Variants in MTCL2 observed in about 807,000 individuals in gnomAD.
MTCL2 encodes microtubule cross-linking factor 2.
chr20:36,817,259 TC>T, the MTCL2 span: 1 of 657,038 alleles, frequency 1.5e-6, no homozygotes, highest in African/African-American at 2.5e-5. Context: ...AGAGTGTGAC[TC>T]CGTCTCAAAA....
chr20:36,815,955 G>T, the MTCL2 span: 4 of 1,613,096 alleles, frequency 2.5e-6, no homozygotes, highest in Non-Finnish European at 2.5e-6. This position sits in a 1 kb window ranked among gnomAD's most constrained non-coding sequence, Gnocchi z 5.3. Context: ...CGCGGAGAAG[G>T]CCAGGCGTGC....
chr20:36,830,523 G>A, the MTCL2 span, among the ~76,000 whole-genome samples: 1 of 151,630 alleles, frequency 6.6e-6, no homozygotes, highest in Admixed American at 6.6e-5. Context: ...AGCTATGATT[G>A]TGCCACTGCA....
At chr20:36,829,000 T>C in the MTCL2 span, 16 of 1,472,066 alleles carry the variant, frequency 1.1e-5, no homozygotes, top group Non-Finnish European at 1.4e-5. Context: ...TTGGGGGGGC[T>C]TGCATGTGCC....
At chr20:36,818,478 A>G in the MTCL2 span, among the ~76,000 whole-genome samples, 1 of 152,198 alleles carries the variant, frequency 6.6e-6, no homozygotes, top group Non-Finnish European at 1.5e-5. Context: ...AATGGTCATA[A>G]GAGACTGATG....
At chr20:36,818,316 T>C in the MTCL2 span, among the ~76,000 whole-genome samples, 2 of 152,262 alleles carry the variant, frequency 1.3e-5, no homozygotes, top group East Asian at 1.9e-4. Flanking sequence ...TTCATGCCTG[T>C]AATCCCAACA....
the MTCL2 span, chr20:36,779,170 G>A: frequency 1.3e-5 from 2 of 152,260 alleles, no homozygotes; most frequent in African/African-American, 4.8e-5. Flanking sequence ...CAGGACTTGG[G>A]TCTGTATATT....
At chr20:36,823,302 A>G in the MTCL2 span, among the ~76,000 whole-genome samples, 1 of 152,218 alleles carries the variant, frequency 6.6e-6, no homozygotes, top group Admixed American at 6.5e-5. Flanking sequence ...TTCCCGGGCA[A>G]CTGGCAGCTC....
chr20:36,792,587 T>C, the MTCL2 span, among the ~76,000 whole-genome samples: 1 of 150,998 alleles, frequency 6.6e-6, no homozygotes, highest in Non-Finnish European at 1.5e-5. Flanking sequence ...AAGCTGGCTC[T>C]AGCACACCAC....
the MTCL2 span, among the ~76,000 whole-genome samples, chr20:36,805,274 A>G: frequency 6.6e-6 from 1 of 152,144 alleles, no homozygotes; most frequent in Admixed American, 6.5e-5. Context: ...GGTCTAATTC[A>G]TGGAGACTCC....
chr20:36,802,725 G>A, the MTCL2 span: 1 of 1,100,472 alleles, frequency 9.1e-7, no homozygotes, highest in Non-Finnish European at 1.3e-6. Flanking sequence ...ATACCTGAAG[G>A]AGATGGTGTG....
chr20:36,808,857 C>T, the MTCL2 span: 2 of 892,990 alleles, frequency 2.2e-6, no homozygotes, highest in Non-Finnish European at 3.3e-6. Flanking sequence ...GTGAGTGATC[C>T]CTGCCGGGGA....
the MTCL2 span, among the ~76,000 whole-genome samples, chr20:36,792,629 C>G: frequency 1.0e-3 from 159 of 152,130 alleles, no homozygotes; most frequent in African/African-American, 3.3e-3. Flanking sequence ...GGCCCCTTCC[C>G]TGGAGGGGAT....
At chr20:36,786,651 G>A in the MTCL2 span, 2 of 1,544,298 alleles carry the variant, frequency 1.3e-6, no homozygotes, top group South Asian at 1.2e-5. Context: ...GGAAGAGGGA[G>A]GCAGGGAGGC....
At chr20:36,835,863 C>T in the MTCL2 span, among the ~76,000 whole-genome samples, 2 of 152,188 alleles carry the variant, frequency 1.3e-5, no homozygotes, top group African/African-American at 2.4e-5. Flanking sequence ...CCGCCGCCGC[C>T]GCCGCTGCTC....
the MTCL2 span, chr20:36,785,118 C>T: frequency 1.0e-6 from 1 of 985,380 alleles, no homozygotes; most frequent in Non-Finnish European, 1.2e-6. Flanking sequence ...GGCCAAGTAC[C>T]AGGCATTGAG....
chr20:36,816,452 G>T, the MTCL2 span: 1 of 688,580 alleles, frequency 1.5e-6, no homozygotes. Flanking sequence ...AGGGTCCGGG[G>T]GAGACGCAGA....
the MTCL2 span, chr20:36,812,957 C>A: frequency 7.7e-7 from 1 of 1,291,436 alleles, no homozygotes; most frequent in South Asian, 1.5e-5. Flanking sequence ...CTTGAACCAC[C>A]CACCTGAGGG....
chr20:36,816,902 C>T, the MTCL2 span, among the ~76,000 whole-genome samples: 8 of 152,260 alleles, frequency 5.3e-5, no homozygotes, highest in Admixed American at 2.6e-4. Flanking sequence ...GGGGAGCGAG[C>T]ATCTAAGCAT....
chr20:36,796,334 C>G, the MTCL2 span, among the ~76,000 whole-genome samples: 1 of 152,234 alleles, frequency 6.6e-6, no homozygotes, highest in East Asian at 1.9e-4. Context: ...TCAAACCTGG[C>G]CCTCTGGCTC....
Sources: gnomAD v4.1 joint callset for allele counts (sites outside exome capture counted in the v4.1 genomes callset) on GRCh38, gnomAD v4.1.1 for gene constraint, Gnocchi (gnomAD v3.1) non-coding constraint, MANE v1.5 for transcripts, NCBI Gene and HGNC (gene_info 2026-07-23, HGNC 2026-07-21) for gene names.